Variants in PNPLA7 observed in about 807,000 individuals in gnomAD.
PNPLA7 encodes the protein patatin like domain 7, lysophospholipase.
A neutral mutation model predicts 161.7 loss-of-function variants in PNPLA7; 153 were observed. The ratio of observed to expected loss-of-function variants is 0.95; its 90% CI spans 0.83 to 1.08. The LOEUF (loss-of-function observed/expected upper bound fraction) is 1.08. Among genes scored for constraint, PNPLA7 ranks in the 50% least tolerant of loss-of-function variants. The pLI, the probability that PNPLA7 is intolerant of heterozygous loss-of-function variation, is 0.00. For synonymous variants in PNPLA7, 809 were observed against 782.1 expected, an observed-to-expected ratio of 1.03 and a Z score of -0.57; for missense variants, 1,739 against 1,856.6, an observed-to-expected ratio of 0.94 and a Z score of 1.16.
Position 137,545,960 on chromosome 9 carries a change from T to A in PNPLA7, c.273+870A>T, listed in dbSNP as rs371093652. Reference sequence around the variant, plus strand: ...CCCTTTCCCCAGGGGAGTTCAGAGATGACTCTACCCCTCCACCTCCTGTGG... The same window carrying A: ...CCCTTTCCCCAGGGGAGTTCAGAGAAGACTCTACCCCTCCACCTCCTGTGG... On this transcript the variant is annotated intron_variant, in intron 4 of 34. Coordinates refer to ENST00000406427, the MANE Select transcript of PNPLA7 (RefSeq NM_001098537.3). 5.5e-3 allele frequency among the ~76,000 whole-genome samples: 843 copies of A among 152,102 alleles called. 5 individuals are homozygous for A. Among genetic ancestry groups the A allele is most frequent in the Middle Eastern group, 0.034 (10 of 294 alleles).
chr9:137,503,109 C>T (rs1833589265), intron 14 of PNPLA7, among the ~76,000 whole-genome samples: 1 of 152,042 alleles, frequency 6.6e-6, no homozygotes, highest in Non-Finnish European at 1.5e-5. Flanking sequence ...TGGCTGGGTA[C>T]AGTGGCTCAT....
In PNPLA7 at chr9:137,505,613, C is replaced by G. The variant is rs757003236; in HGVS notation, c.1473+1G>C. ...GCCAGGTGCCCGCCGGGGCCACTCACTTCCAGCTTCATCAGGGTGAGCAGG... is the reference window on the plus strand; with the variant it reads ...GCCAGGTGCCCGCCGGGGCCACTCAGTTCCAGCTTCATCAGGGTGAGCAGG... On this transcript the variant is annotated splice_donor_variant, in intron 14 of 34. Transcript: ENST00000406427. LOFTEE classifies it high-confidence loss of function. The G allele has an allele frequency of 3.7e-6, 6 of 1,613,820 alleles. No individual in the cohort carries two copies. The highest frequency in any genetic ancestry group is 2.7e-5 in the African/African-American group (2 of 74,938).
intron 24 of PNPLA7, 58 bp from the exon 25 acceptor site, chr9:137,478,210 C>T (rs983706546): frequency 7.5e-6 from 9 of 1,200,718 alleles, no homozygotes; most frequent in Middle Eastern, 4.2e-4. Flanking sequence ...GCCGAGACCT[C>T]GCATCCTGGC....
intron 7 of PNPLA7, among the ~76,000 whole-genome samples, chr9:137,542,200 G>A (rs766328513): frequency 1.3e-5 from 2 of 152,202 alleles, no homozygotes; most frequent in Non-Finnish European, 2.9e-5. Context: ...CCAGCCCAGT[G>A]CCTCATGCCT....
At chr9:137,494,072 G>A (rs1045633638) in intron 19 of PNPLA7, among the ~76,000 whole-genome samples, 29 of 152,238 alleles carry the variant, frequency 1.9e-4, no homozygotes, top group Admixed American at 1.8e-3. Context: ...GGCACTGGCC[G>A]TAAAAGGCCC....
intron 28 of PNPLA7, 87 bp from the exon 29 acceptor site, chr9:137,463,618 G>T: frequency 1.0e-6 from 1 of 993,908 alleles, no homozygotes; most frequent in South Asian, 1.5e-5. Context: ...CAGTCCTGGA[G>T]CTGGTAGGTC....
At position 137,499,732 on chromosome 9, in the gene PNPLA7, T is replaced by G. The variant is rs1306552720; in HGVS notation, c.1757+959A>C. Among the ~76,000 whole-genome samples, 1 of 152,222 alleles carries G rather than the reference T, an allele frequency of 6.6e-6. No homozygotes were observed. Among genetic ancestry groups the G allele is most frequent in the African/African-American group, 2.4e-5 (1 of 41,452 alleles). ...CTTGCCCGGCTCGGGGTCCCCAGGC[T>G]GAAGCAGCAACGGCGCGGTGCCATT... is the stretch of plus-strand genomic sequence containing the variant. On this transcript the variant is annotated intron_variant, in intron 16 of 34. Transcript: ENST00000406427. This position sits in a 1 kb window ranked among gnomAD's most constrained non-coding sequence, Gnocchi z 5.5.
rs1244465947 is a variant in PNPLA7 at position 137,461,579 on chromosome 9, T to C, written c.3798A>G (p.Glu1266=). ...CPNASFTDLA[E]IVSRIEPAKP... ...TGGCGGGCTCAATGCGAGACACAAT[T>C]TCGGCAAGGTCCGTGAAGGAGGCGT... is the stretch of plus-strand genomic sequence containing the variant. The change falls in exon 33 of 35, where the codon GAA becomes GAG. Residue 1266 remains glutamate, a synonymous_variant. Coordinates refer to ENST00000406427, the MANE Select transcript of PNPLA7 (RefSeq NM_001098537.3). 5 of 1,612,722 alleles carry C rather than the reference T, an allele frequency of 3.1e-6. No individual in the cohort carries two copies. The highest frequency in any genetic ancestry group is 4.2e-6 in the Non-Finnish European group (5 of 1,179,682).
rs55854515 is a variant in PNPLA7, at chr9:137,496,141, G to GT, written c.2014-996dup. Among the ~76,000 whole-genome samples the GT allele has an allele frequency of 2.9e-3, 407 of 138,212 alleles. 2 individuals carry two copies. The highest frequency in any genetic ancestry group is 0.015 in the Middle Eastern group (4 of 266). 90.7% of individuals were successfully genotyped at this position (138,212 alleles called of 152,430 possible). A position where few individuals can be genotyped will look rare whatever the true frequency, so the allele number is the denominator to read the frequency against. On this transcript the variant is annotated intron_variant, in intron 18 of 34. Transcript: ENST00000406427. Reference sequence around the variant, plus strand: ...TTCAGACGGAGTTTAGTTTTTTTTTGTTTTTTTTTTTTTGAGATAGAGTTT... The same window carrying GT: ...TTCAGACGGAGTTTAGTTTTTTTTTGTTTTTTTTTTTTTTGAGATAGAGTTT...
At chr9:137,473,917 A>C (rs551239705) in intron 25 of PNPLA7, among the ~76,000 whole-genome samples, 1 of 152,174 alleles carries the variant, frequency 6.6e-6, no homozygotes, top group Admixed American at 6.5e-5. Context: ...GCCCAAGAGG[A>C]AAGGAAATGT....
chr9:137,515,628 C>T (rs1834494423), intron 11 of PNPLA7, 109 bp from the exon 12 acceptor site: 20 of 1,338,562 alleles, frequency 1.5e-5, no homozygotes, highest in Non-Finnish European at 1.9e-5. Context: ...GCCCTGCGCA[C>T]CTGAACGCGC....
intron 16 of PNPLA7, 98 bp from the exon 17 acceptor site, chr9:137,498,343 A>C (rs1588607505): frequency 1.3e-6 from 2 of 1,509,706 alleles, no homozygotes; most frequent in Non-Finnish European, 1.8e-6. Context: ...CACAACCCCC[A>C]CCCCACCCGG....
chr9:137,477,919 G>T (rs919212445), intron 25 of PNPLA7, 115 bp downstream of exon 25: 10 of 870,832 alleles, frequency 1.1e-5, no homozygotes, highest in African/African-American at 5.3e-5. Context: ...CGGCCTGAGG[G>T]TCTCGTCTGC....
intron 17 of PNPLA7, 86 bp from the exon 18 acceptor site, chr9:137,497,396 T>A: frequency 7.9e-7 from 1 of 1,271,554 alleles, no homozygotes; most frequent in African/African-American, 1.5e-5. Context: ...AGACTCAGGA[T>A]GGAGAAAAAG....
At chr9:137,502,820 G>C (rs928017423) in intron 14 of PNPLA7, among the ~76,000 whole-genome samples, 1 of 140,908 alleles carries the variant, frequency 7.1e-6, no homozygotes, top group Admixed American at 7.4e-5. Context: ...GAAGTCATTT[G>C]GCCATTTTAA....
At chr9:137,501,583 G>T in intron 15 of PNPLA7, 67 bp downstream of exon 15, 1 of 1,475,824 alleles carries the variant, frequency 6.8e-7, no homozygotes, top group Non-Finnish European at 9.3e-7. Flanking sequence ...CCCTCCTCTG[G>T]TGCTCCACTT....
At position 137,500,304 on chromosome 9, in the gene PNPLA7, G is replaced by A. The variant is rs1278353869; in HGVS notation, c.1757+387C>T. 6.6e-6 allele frequency among the ~76,000 whole-genome samples: 1 copy of A among 152,198 alleles called. No individual in the cohort carries two copies. The highest frequency in any genetic ancestry group is 1.5e-5 in the Non-Finnish European group (1 of 68,050). On this transcript the variant is annotated intron_variant, in intron 16 of 34. Coordinates refer to ENST00000406427, the MANE Select transcript of PNPLA7 (RefSeq NM_001098537.3). This position sits in a 1 kb window ranked among gnomAD's most constrained non-coding sequence, Gnocchi z 5.5. The stretch of plus-strand genomic sequence containing the variant: ...GGCTCCCGACACGTCAGCCCAGGCT[G>A]CAGAGGTGGGACGGCTCACGGCCCC...
chr9:137,537,551 G>A lies in PNPLA7; in HGVS notation c.747+3091C>T, dbSNP rs1333787737. Among the ~76,000 whole-genome samples, 1 of 152,138 alleles carries A rather than the reference G, an allele frequency of 6.6e-6. No homozygotes were observed. ...AGGATGGTCTCGATCTCCTGACCTC[G>A]TGATCCGCCCACCTCGGCCTCCCAA... On this transcript the variant is annotated intron_variant, in intron 8 of 34. Coordinates refer to ENST00000406427, the MANE Select transcript of PNPLA7 (RefSeq NM_001098537.3). The surrounding 1 kb of genome is among the most constrained non-coding windows in gnomAD (Gnocchi z 4.5).
rs1836108491 is a variant in PNPLA7, at chr9:137,540,059, C to T, written c.747+583G>A. Among the ~76,000 whole-genome samples, 1 of 152,224 alleles carries T rather than the reference C, an allele frequency of 6.6e-6. No homozygotes were observed. The highest frequency in any genetic ancestry group is 1.5e-5 in the Non-Finnish European group (1 of 68,050). On this transcript the variant is annotated intron_variant, in intron 8 of 34. Transcript: ENST00000406427. This position sits in a 1 kb window ranked among gnomAD's most constrained non-coding sequence, Gnocchi z 5.1. Reference sequence around the variant, plus strand: ...TCAGCCTCGCAAAGTGCTGGGATTACAGGTGTGAGCCACTGCGCCCGGCCC... The same window carrying T: ...TCAGCCTCGCAAAGTGCTGGGATTATAGGTGTGAGCCACTGCGCCCGGCCC...
Sources: gnomAD v4.1 joint callset for allele counts (sites outside exome capture counted in the v4.1 genomes callset) on GRCh38, gnomAD v4.1.1 for gene constraint, Gnocchi (gnomAD v3.1) non-coding constraint, MANE v1.5 for transcripts, NCBI Gene and HGNC (gene_info 2026-07-23, HGNC 2026-07-21) for gene names.